Variants in SMYD3 observed in about 807,000 individuals in gnomAD.
SMYD3 encodes histone-lysine N-methyltransferase SMYD3.
Under a neutral mutation model 57.7 loss-of-function variants are expected in SMYD3, and 36 were observed. The ratio of observed to expected loss-of-function variants is 0.62; its 90% confidence interval spans 0.48 to 0.82. The LOEUF (loss-of-function observed/expected upper bound fraction) is 0.82. SMYD3 is among the 40% of genes least tolerant of loss of function. The pLI is 0.00. For missense variants in SMYD3, 515 were observed against 538.8 expected (o/e 0.96, Z 0.44); for synonymous variants, 211 against 195.0 (o/e 1.08, Z -0.68).
At chr1:246,132,933 T>C (rs1374343797) in intron 5 of SMYD3, among the ~76,000 whole-genome samples, 16 of 152,078 alleles carry the variant, frequency 1.1e-4, no homozygotes, top group Admixed American at 1.0e-3. Context: ...CATAATGAGG[T>C]TGCCACTTCA....
chr1:246,141,816 T>C (rs1381199043), intron 5 of SMYD3, among the ~76,000 whole-genome samples: 5 of 152,250 alleles, frequency 3.3e-5, no homozygotes, highest in African/African-American at 7.2e-5. Flanking sequence ...ACCCTGGTGA[T>C]TGAGTTCTAT....
In SMYD3 at chr1:245,965,914, C is replaced by T. The variant is rs115439566; in HGVS notation, c.532-35977G>A. Among the ~76,000 whole-genome samples the T allele has an allele frequency of 1.5e-3, 223 of 152,098 alleles. 1 individual carries two copies. The highest frequency in any genetic ancestry group is 5.1e-3 in the African/African-American group (213 of 41,490). On this transcript the variant is annotated intron_variant, in intron 5 of 11. Coordinates refer to ENST00000490107, the MANE Select transcript of SMYD3 (RefSeq NM_001167740.2). ...AGATAATGTGTCAATGTAGGTTCAT[C>T]GACTTTAGCAAATGTACCAATCTGG...
intron 1 of SMYD3, among the ~76,000 whole-genome samples, chr1:246,439,650 G>C (rs1299320659): frequency 1.4e-5 from 2 of 147,994 alleles, no homozygotes; most frequent in African/African-American, 2.5e-5. Flanking sequence ...AAAAAAGACA[G>C]TTGTATATTC....
intron 5 of SMYD3, among the ~76,000 whole-genome samples, chr1:246,288,820 T>A (rs904927063): frequency 6.6e-6 from 1 of 152,106 alleles, no homozygotes; most frequent in African/African-American, 2.4e-5. Context: ...TTATAAAATA[T>A]TTAAAAGCCT....
intron 5 of SMYD3, among the ~76,000 whole-genome samples, chr1:246,034,287 A>C (rs2059731237): frequency 1.3e-5 from 2 of 152,158 alleles, no homozygotes; most frequent in African/African-American, 2.4e-5. Flanking sequence ...AACTTTGAGG[A>C]AGTATTATTT....
At chr1:246,382,283 C>A (rs1366972361) in intron 1 of SMYD3, among the ~76,000 whole-genome samples, 8 of 152,126 alleles carry the variant, frequency 5.3e-5, no homozygotes, top group Non-Finnish European at 7.4e-5. Context: ...GCCTCCGGGC[C>A]CAGTCCAGCC....
At chr1:246,091,671 AT>A (rs769141925) in intron 5 of SMYD3, among the ~76,000 whole-genome samples, 9 of 152,266 alleles carry the variant, frequency 5.9e-5, no homozygotes, top group Non-Finnish European at 1.0e-4. Context: ...GGTTTAGACA[AT>A]GTCTGTGTAT....
chr1:245,775,239 G>A (rs1323166432), intron 10 of SMYD3, among the ~76,000 whole-genome samples: 2 of 152,178 alleles, frequency 1.3e-5, no homozygotes, highest in Non-Finnish European at 2.9e-5. Flanking sequence ...CATTGAGAAC[G>A]GGCCATGATG....
At chr1:246,006,747 C>CTGTCTCTGCAAGTAGATCTTGTCTACT (rs2059177412) in intron 5 of SMYD3, among the ~76,000 whole-genome samples, 1 of 152,022 alleles carries the variant, frequency 6.6e-6, no homozygotes, top group Non-Finnish European at 1.5e-5. Flanking sequence ...GGGAGGTGAG[C>CTGTCTCTGCAAGTAGATCTTGTCTACT]TGTCTCGGAA....
At chr1:246,343,789 T>C (rs1195600780) in intron 2 of SMYD3, among the ~76,000 whole-genome samples, 5 of 152,188 alleles carry the variant, frequency 3.3e-5, no homozygotes, top group African/African-American at 9.7e-5. Context: ...CCCTGACTCT[T>C]ACCCTTCTAC....
At chr1:246,430,874 A>G (rs893415691) in intron 1 of SMYD3, among the ~76,000 whole-genome samples, 1 of 152,256 alleles carries the variant, frequency 6.6e-6, no homozygotes, top group African/African-American at 2.4e-5. Flanking sequence ...TAGAAAAAGC[A>G]GCAGAAACTA....
At chr1:245,855,889 A>AC (rs1162530402) in intron 10 of SMYD3, among the ~76,000 whole-genome samples, 1 of 152,236 alleles carries the variant, frequency 6.6e-6, no homozygotes, top group Non-Finnish European at 1.5e-5. Flanking sequence ...TGTTGCAAAC[A>AC]ATATATTAAC....
chr1:246,296,181 C>T (rs1482340508), intron 5 of SMYD3, among the ~76,000 whole-genome samples: 1 of 152,178 alleles, frequency 6.6e-6, no homozygotes, highest in African/African-American at 2.4e-5. Context: ...GAAACTTCCT[C>T]CACAACCACC....
chr1:245,967,263 G>T (rs559597391), intron 5 of SMYD3, among the ~76,000 whole-genome samples: 1 of 152,192 alleles, frequency 6.6e-6, no homozygotes, highest in Admixed American at 6.5e-5. Flanking sequence ...CAGGAACATG[G>T]TCATTTCAAA....
chr1:245,946,978 C>T (rs994062773), intron 5 of SMYD3, among the ~76,000 whole-genome samples: 4 of 152,128 alleles, frequency 2.6e-5, no homozygotes, highest in African/African-American at 7.2e-5. Context: ...TGCAATAATG[C>T]GGGGCAGCGT....
intron 1 of SMYD3, among the ~76,000 whole-genome samples, chr1:246,367,008 G>A (rs2066115605): frequency 6.8e-6 from 1 of 147,742 alleles, no homozygotes; most frequent in East Asian, 2.0e-4. Flanking sequence ...GGGAAAAAAA[G>A]AGAAATGTCT....
chr1:246,103,724 A>G (rs756087295), intron 5 of SMYD3, among the ~76,000 whole-genome samples: 1 of 152,204 alleles, frequency 6.6e-6, no homozygotes, highest in Non-Finnish European at 1.5e-5. Flanking sequence ...GTGAATAAGA[A>G]AAAGCTCAAA....
rs185642722 is a variant in SMYD3, at chr1:246,167,516, T to C, written c.531+159685A>G. Among the ~76,000 whole-genome samples, 802 of 151,228 alleles carry C rather than the reference T, an allele frequency of 5.3e-3. 9 individuals are homozygous for C. Among genetic ancestry groups the C allele is most frequent in the African/African-American group, 0.018 (761 of 41,330 alleles). ...ACCTCATTACGGTTTTTTTTTCTTTTTTTTTTTTTTTGAAGACGGAGTCTC... is the reference window on the plus strand; with the variant it reads ...ACCTCATTACGGTTTTTTTTTCTTTCTTTTTTTTTTTGAAGACGGAGTCTC... On this transcript the variant is annotated intron_variant, in intron 5 of 11. Transcript: ENST00000490107.
chr1:246,247,459 CTCTCTCTATA>C (rs1373453752), intron 5 of SMYD3, among the ~76,000 whole-genome samples: 2 of 95,758 alleles, frequency 2.1e-5, no homozygotes, highest in African/African-American at 8.0e-5. Context: ...CTCTCTCTCT[CTCTCTCTATA>C]TATATATATA....
Sources: gnomAD v4.1 joint callset for allele counts (sites outside exome capture counted in the v4.1 genomes callset) on GRCh38, gnomAD v4.1.1 for gene constraint, MANE v1.5 for transcripts, NCBI Gene and HGNC (gene_info 2026-07-23, HGNC 2026-07-21) for gene names.